Variants in CROCC2 observed in about 807,000 individuals in gnomAD.
CROCC2 encodes the protein ciliary rootlet coiled-coil, rootletin family member 2.
CROCC2 carries 163 observed loss-of-function variants against 177.6 expected under a neutral mutation model. The ratio of observed to expected loss-of-function variants is 0.92; its 90% CI spans 0.81 to 1.05. The LOEUF is 1.05. CROCC2 is among the 50% of genes least tolerant of loss of function. The pLI, the probability that CROCC2 is intolerant of heterozygous loss-of-function variation, is 0.00. For missense variants in CROCC2, 1,929 were observed against 1,797.8 expected (o/e 1.07, Z -1.32); for synonymous variants, 904 against 787.3 (o/e 1.15, Z -2.48).
At position 240,931,116 on chromosome 2, in the gene CROCC2, C is replaced by T. The variant is rs780839459; in HGVS notation, c.935C>T (p.Ala312Val). Residue 312 changes from alanine (A) to valine (V), a missense_variant, in exon 7 of 32, where the codon GCG becomes GTG. By Grantham distance (64) the Ala-to-Val change is moderately conservative (BLOSUM62 0). Around this residue, in one of 3 missense-constraint regions of CROCC2, gnomAD observed 1,397 missense variants for 1,239.9 expected, o/e 1.13. Coordinates refer to ENST00000690015, the MANE Select transcript of CROCC2 (RefSeq NM_001351305.2). Reference sequence around the variant, plus strand: ...GGCCGCTGGGACGCAGAGAAGGTGGCGCTCCAGGCCAGGTGGGCGCCCAGG... The same window carrying T: ...GGCCGCTGGGACGCAGAGAAGGTGGTGCTCCAGGCCAGGTGGGCGCCCAGG... ...LQGRWDAEKV[A>V]LQARLSEQTL... 20 of 712,448 alleles carry T rather than the reference C, an allele frequency of 2.8e-5. No homozygotes were observed. Among genetic ancestry groups the T allele is most frequent in the African/African-American group, 1.1e-4 (6 of 57,126 alleles). 44.1% of individuals were successfully genotyped at this position (712,448 alleles called of 1,614,324 possible). A position where few individuals can be genotyped will look rare whatever the true frequency, so the allele number is the denominator to read the frequency against.
intron 21 of CROCC2, 108 bp from the exon 22 acceptor site, chr2:240,964,358 A>G: frequency 1.5e-6 from 2 of 1,316,970 alleles, no homozygotes; most frequent in Non-Finnish European, 2.1e-6. Flanking sequence ...CACTGTGCAG[A>G]GTCAAGACTG....
intron 28 of CROCC2, among the ~76,000 whole-genome samples, chr2:240,986,324 G>A (rs1024577351): frequency 1.3e-5 from 2 of 152,150 alleles, no homozygotes; most frequent in East Asian, 1.9e-4. Context: ...CCTCCAGCTC[G>A]GCATCCATGG....
In CROCC2 at chr2:240,949,508, G is replaced by C. The variant is rs914739384; in HGVS notation, c.2483-25G>C. Reference sequence around the variant, plus strand: ...TCAGGGGTCCACATGCCAGGCCCTGGTGCATCTCACCCATCACCCCACAGT... The same window carrying C: ...TCAGGGGTCCACATGCCAGGCCCTGCTGCATCTCACCCATCACCCCACAGT... On this transcript the variant is annotated intron_variant, in intron 16 of 31. Transcript: ENST00000690015. This position sits in a 1 kb window ranked among gnomAD's most constrained non-coding sequence, Gnocchi z 4.5. The C allele has an allele frequency of 1.3e-6, 2 of 1,547,688 alleles. No homozygotes were observed. Among genetic ancestry groups the C allele is most frequent in the Non-Finnish European group, 8.7e-7 (1 of 1,144,712 alleles).
rs527532533 is a variant in CROCC2, at chr2:240,969,044, C to T, written c.4401+782C>T. Among the ~76,000 whole-genome samples, 150 of 152,372 alleles carry T rather than the reference C, an allele frequency of 9.8e-4. 1 individual carries two copies. In the Middle Eastern group the frequency reaches 0.014, roughly 14 times the overall value. On this transcript the variant is annotated intron_variant, in intron 27 of 31. Coordinates refer to ENST00000690015, the MANE Select transcript of CROCC2 (RefSeq NM_001351305.2). The stretch of plus-strand genomic sequence containing the variant: ...AGGGGCCAGAGAACAGCGTGCCTGG[C>T]TGAGGCTCCCCAGGGCAACTGCCCC...
intron 14 of CROCC2, among the ~76,000 whole-genome samples, chr2:240,943,745 G>T (rs1337839306): frequency 2.0e-5 from 3 of 152,098 alleles, no homozygotes; most frequent in Non-Finnish European, 1.5e-5. Context: ...CTCCCTAAGT[G>T]CTGGGATTAC....
chr2:240,910,347 C>T (rs2059279747), intron 1 of CROCC2, among the ~76,000 whole-genome samples: 1 of 58,582 alleles, frequency 1.7e-5, no homozygotes, highest in South Asian at 4.6e-4. Context: ...AAGCCCAGTC[C>T]CCTCAGAGCT....
At position 240,922,626 on chromosome 2, in the gene CROCC2, C is replaced by A; in HGVS notation, c.469C>A (p.Leu157Met). The change falls in exon 4 of 32, where the codon CTG becomes ATG. Residue 157 changes from leucine (L) to methionine (M), a missense_variant. Leu to Met is a conservative substitution (Grantham distance 15). This residue lies in a region of CROCC2 where 1,397 missense variants were observed against 1,239.9 expected (regional missense o/e 1.13). Coordinates refer to ENST00000690015, the MANE Select transcript of CROCC2 (RefSeq NM_001351305.2). ...SVDLEEALGR[L>M]EAAEERSTGL... ...GGATCTGGAGGAGGCCCTTGGCCGTCTGGAGGCTGCCGAGGAGAGGTGAGG... is the reference window on the plus strand; with the variant it reads ...GGATCTGGAGGAGGCCCTTGGCCGTATGGAGGCTGCCGAGGAGAGGTGAGG... 1.5e-6 allele frequency: 1 copy of A among 663,450 alleles called. No individual in the cohort carries two copies. Among genetic ancestry groups the A allele is most frequent in the Non-Finnish European group, 2.8e-6 (1 of 355,580 alleles). 41.1% of individuals were successfully genotyped at this position (663,450 alleles called of 1,614,324 possible).
chr2:240,919,084 AAGGTGATGGCGTGGGGGACGGT>A lies in CROCC2; in HGVS notation c.229+209_229+230del, dbSNP rs1559589627. Among the ~76,000 whole-genome samples the A allele has an allele frequency of 7.7e-4, 105 of 136,430 alleles. 1 individual carries two copies. The highest frequency in any genetic ancestry group is 1.4e-3 in the Non-Finnish European group (90 of 64,424). 89.5% of individuals were successfully genotyped at this position (136,430 alleles called of 152,430 possible). A position where few individuals can be genotyped will look rare whatever the true frequency, so the allele number is the denominator to read the frequency against. ...GACGGTCCTGGGCCCGGGGCTGGGC[AAGGTGATGGCGTGGGGGACGGT>A]CCTGGGCCCGCGGCTGGCCAAGGTG... On this transcript the variant is annotated intron_variant, in intron 2 of 31. Coordinates refer to ENST00000690015, the MANE Select transcript of CROCC2 (RefSeq NM_001351305.2).
intron 1 of CROCC2, among the ~76,000 whole-genome samples, chr2:240,912,864 G>A (rs576281222): frequency 9.8e-5 from 15 of 152,298 alleles, no homozygotes; most frequent in South Asian, 6.2e-4. Context: ...CAGAAGACAC[G>A]CTTATCACTC....
Position 240,949,890 on chromosome 2 carries a change from C to G in CROCC2, c.2652+188C>G, listed in dbSNP as rs1048857352. Among the ~76,000 whole-genome samples the G allele has an allele frequency of 1.3e-5, 2 of 152,192 alleles. No individual in the cohort carries two copies. The highest frequency in any genetic ancestry group is 2.1e-4 in the South Asian group (1 of 4,828). ...CATCCAGGGCCTTCCCCGTGGAGCC[C>G]TCATATTGGGCTTGGGTTTGTATTT... is the stretch of plus-strand genomic sequence containing the variant. On this transcript the variant is annotated intron_variant, in intron 17 of 31. Coordinates refer to ENST00000690015, the MANE Select transcript of CROCC2 (RefSeq NM_001351305.2). The surrounding 1 kb of genome is among the most constrained non-coding windows in gnomAD (Gnocchi z 4.5).
intron 3 of CROCC2, among the ~76,000 whole-genome samples, chr2:240,920,522 C>A (rs2059351773): frequency 6.6e-6 from 1 of 152,198 alleles, no homozygotes; most frequent in Non-Finnish European, 1.5e-5. Context: ...CTGGCACCTG[C>A]ACAGCAGAGG....
Position 240,973,565 on chromosome 2 carries a change from A to C in CROCC2, c.4401+5303A>C. ...CACACCCACCCCCCCAGCTCCCCAC[A>C]TCCCCAGTGCCAGCCTTGCAGGTCA... On this transcript the variant is annotated intron_variant, in intron 27 of 31. Coordinates refer to ENST00000690015, the MANE Select transcript of CROCC2 (RefSeq NM_001351305.2). This position sits in a 1 kb window ranked among gnomAD's most constrained non-coding sequence, Gnocchi z 4.7. Among the ~76,000 whole-genome samples the C allele has an allele frequency of 6.9e-6, 1 of 145,116 alleles. No homozygotes were observed. The highest frequency in any genetic ancestry group is 1.5e-5 in the Non-Finnish European group (1 of 66,154).
intron 2 of CROCC2, among the ~76,000 whole-genome samples, chr2:240,919,401 C>T (rs1241797368): frequency 6.6e-6 from 1 of 152,162 alleles, no homozygotes; most frequent in Non-Finnish European, 1.5e-5. Context: ...CCCCCCTGGG[C>T]TCTGCCTGTC....
chr2:240,966,253 G>A lies in CROCC2; in HGVS notation c.3990G>A (p.Gly1330=). The part of the protein sequence containing the change: ...KGSDSSQALP[G]QQGTSPPARP... The stretch of plus-strand genomic sequence containing the variant: ...CCGACAGCTCCCAGGCTCTCCCTGG[G>A]CAACAGGGTACCAGCCCCCCAGCCA... Residue 1330 remains glycine, a synonymous_variant, in exon 25 of 32, where the codon GGG becomes GGA. Transcript: ENST00000690015. 1.5e-6 allele frequency: 1 copy of A among 665,670 alleles called. No homozygotes were observed. The highest frequency in any genetic ancestry group is 2.1e-6 in the Non-Finnish European group (1 of 467,912). 41.2% of individuals were successfully genotyped at this position (665,670 alleles called of 1,614,324 possible). A position where few individuals can be genotyped will look rare whatever the true frequency, so the allele number is the denominator to read the frequency against.
At chr2:240,967,979 C>T in intron 26 of CROCC2, 150 bp from the exon 27 acceptor site, 1 of 779,358 alleles carries the variant, frequency 1.3e-6, no homozygotes, top group Non-Finnish European at 1.8e-6. Context: ...AAGCCGGGAC[C>T]CTGGGGCAGC....
chr2:240,950,669 A>C, intron 18 of CROCC2, 159 bp downstream of exon 18: 1 of 675,476 alleles, frequency 1.5e-6, no homozygotes. Context: ...CCACTCACCC[A>C]CCCACCTATC....
At chr2:240,944,004 G>A (rs2059508908) in intron 14 of CROCC2, among the ~76,000 whole-genome samples, 1 of 152,164 alleles carries the variant, frequency 6.6e-6, no homozygotes, top group Admixed American at 6.5e-5. Context: ...TGCTTTAGAT[G>A]GGAGGGTTGG....
intron 25 of CROCC2, among the ~76,000 whole-genome samples, chr2:240,967,096 T>A (rs1040632672): frequency 6.6e-6 from 1 of 152,108 alleles, no homozygotes; most frequent in Non-Finnish European, 1.5e-5. Flanking sequence ...GCTTGAAACC[T>A]GGACCCTTTA....
Position 240,973,778 on chromosome 2 carries a change from G to A in CROCC2, c.4401+5516G>A, listed in dbSNP as rs879690979. On this transcript the variant is annotated intron_variant, in intron 27 of 31. Coordinates refer to ENST00000690015, the MANE Select transcript of CROCC2 (RefSeq NM_001351305.2). The surrounding 1 kb of genome is among the most constrained non-coding windows in gnomAD (Gnocchi z 4.7). Reference sequence around the variant, plus strand: ...TTTGCATCTGTAATTCCTTTATGGTGACATAGTTTTCAGATTTATTTGTGT... The same window carrying A: ...TTTGCATCTGTAATTCCTTTATGGTAACATAGTTTTCAGATTTATTTGTGT... Among the ~76,000 whole-genome samples, 1 of 152,234 alleles carries A rather than the reference G, an allele frequency of 6.6e-6. No homozygotes were observed. Among genetic ancestry groups the A allele is most frequent in the Non-Finnish European group, 1.5e-5 (1 of 68,044 alleles).
Sources: allele counts gnomAD v4.1 joint callset (sites outside exome capture counted in the v4.1 genomes callset), GRCh38; gene constraint gnomAD v4.1.1; regional missense constraint gnomAD v4.1.1; non-coding constraint Gnocchi (gnomAD v3.1); transcripts MANE v1.5; gene names NCBI Gene and HGNC (gene_info 2026-07-23, HGNC 2026-07-21).